EPM2A: variants seen among roughly 807,000 people sequenced by gnomAD.
EPM2A encodes the protein laforin.
Under a neutral mutation model 26.5 loss-of-function variants are expected in EPM2A, and 21 were observed. That is an observed-to-expected ratio of 0.79 (90% CI 0.56 to 1.14). The LOEUF is 1.14. Ranked by LOEUF, EPM2A falls within the 50% of genes most tolerant of loss-of-function variation. EPM2A has a pLI of 0.00. For synonymous variants in EPM2A, 217 were observed against 177.6 expected, an observed-to-expected ratio of 1.22 and a Z score of -1.76; for missense variants, 458 against 440.8, an observed-to-expected ratio of 1.04 and a Z score of -0.35.
intron 2 of EPM2A, among the ~76,000 whole-genome samples, chr6:145,673,317 C>A (rs1309809889): frequency 2.0e-5 from 3 of 152,036 alleles, no homozygotes; most frequent in Non-Finnish European, 4.4e-5. Context: ...TCCAAGATGG[C>A]CGAATAGGAA....
intron 2 of EPM2A, among the ~76,000 whole-genome samples, chr6:145,552,496 A>C (rs1326657686): frequency 6.6e-6 from 1 of 152,066 alleles, no homozygotes; most frequent in Admixed American, 6.6e-5. Context: ...TCTGTCTTTC[A>C]AAAACAAATA....
chr6:145,598,440 ATTTG>A (rs1175587198), intron 2 of EPM2A, among the ~76,000 whole-genome samples: 1 of 152,030 alleles, frequency 6.6e-6, no homozygotes, highest in African/African-American at 2.4e-5. Context: ...TCTCTTGTAA[ATTTG>A]TTTAAGTTCT....
intron 2 of EPM2A, among the ~76,000 whole-genome samples, chr6:145,587,385 C>T (rs974504145): frequency 6.6e-6 from 1 of 152,170 alleles, no homozygotes; most frequent in Non-Finnish European, 1.5e-5. Context: ...AAGTGTTATT[C>T]CTCATGCAGG....
At position 145,558,631 on chromosome 6, in the gene EPM2A, T is replaced by C. The variant is rs9497346; in HGVS notation, c.341-56056A>G. On this transcript the variant is annotated intron_variant, in intron 2 of 3. Coordinates refer to the EPM2A transcript ENST00000450221. ...GTGGTTTTGATTTGCATTTCTCTGA[T>C]GATTAGTGATTTTGAGCATATTTTC... Among the ~76,000 whole-genome samples, 1,174 of 152,222 alleles carry C rather than the reference T, an allele frequency of 7.7e-3. 16 individuals are homozygous for C. The highest frequency in any genetic ancestry group is 0.027 in the African/African-American group (1,117 of 41,564).
intron 2 of EPM2A, among the ~76,000 whole-genome samples, chr6:145,670,061 C>T (rs998072746): frequency 6.6e-6 from 1 of 152,158 alleles, no homozygotes; most frequent in South Asian, 2.1e-4. Flanking sequence ...TCTCCTGGTT[C>T]GGTTCACTCT....
At chr6:145,489,660 C>A in intron 4 of EPM2A, 1 of 1,335,590 alleles carries the variant, frequency 7.5e-7, no homozygotes, top group Non-Finnish European at 1.1e-6. Flanking sequence ...CTGTTCTGTC[C>A]TCATTCTCTG....
intron 1 of EPM2A, among the ~76,000 whole-genome samples, chr6:145,706,644 A>T (rs1041236957): frequency 6.6e-6 from 1 of 152,210 alleles, no homozygotes; most frequent in East Asian, 1.9e-4. Flanking sequence ...CAGACAACAC[A>T]TAGAGATTAA....
At chr6:145,417,725 A>G (rs927251010) in intron 4 of EPM2A, among the ~76,000 whole-genome samples, 3 of 152,052 alleles carry the variant, frequency 2.0e-5, no homozygotes, top group African/African-American at 4.8e-5. Flanking sequence ...ACCAACTTTC[A>G]ATCCACCTAA....
intron 1 of EPM2A, among the ~76,000 whole-genome samples, chr6:145,689,765 T>A (rs2128617722): frequency 6.6e-6 from 1 of 152,310 alleles, no homozygotes; most frequent in Middle Eastern, 3.4e-3. Context: ...TGCCAAGCTG[T>A]ATTGCAGTGC....
rs747386662 is a variant in EPM2A, at chr6:145,627,451, A to C, written c.961T>G (p.Phe321Val). 6.2e-7 allele frequency: 1 copy of C among 1,614,188 alleles called. No individual in the cohort carries two copies. The highest frequency in any genetic ancestry group is 8.5e-7 in the Non-Finnish European group (1 of 1,180,034). The change falls in exon 4 of 4, where the codon TTT (phenylalanine) becomes GTT (valine). Residue 321 changes from phenylalanine (F) to valine (V), a missense_variant. Coordinates refer to ENST00000367519, the MANE Select transcript of EPM2A (RefSeq NM_005670.4). ...ARAQEDFFQK[F>V]GKVRSSVCSL The stretch of plus-strand genomic sequence containing the variant: ...CACACAGAAGAACGAACCTTCCCAA[A>C]TTTCTGGAAAAAATCTTCTTGTGCC...
chr6:145,403,267 T>G (rs9376928), intron 4 of EPM2A, among the ~76,000 whole-genome samples: 65,454 of 151,754 alleles, frequency 0.43, 14,445 homozygotes, highest in East Asian at 0.66. Context: ...TAAGTTATTT[T>G]TAAATGTACA....
chr6:145,735,145 G>A, intron 1 of EPM2A, 53 bp downstream of exon 1: 1 of 1,372,412 alleles, frequency 7.3e-7, no homozygotes, highest in South Asian at 1.3e-5. Flanking sequence ...CCGGTTGGGG[G>A]TGCGGGCCGG....
chr6:145,479,066 G>A (rs1779580147), intron 4 of EPM2A, among the ~76,000 whole-genome samples: 1 of 151,186 alleles, frequency 6.6e-6, no homozygotes, highest in South Asian at 2.1e-4. Flanking sequence ...TGTCACTTAA[G>A]TTTTTGTCTT....
At chr6:145,688,959 TTAAA>T (rs1210430304) in intron 1 of EPM2A, among the ~76,000 whole-genome samples, 1 of 152,212 alleles carries the variant, frequency 6.6e-6, no homozygotes, top group Non-Finnish European at 1.5e-5. Flanking sequence ...ACTTTTTTAG[TTAAA>T]TAAAACAATA....
intron 2 of EPM2A, among the ~76,000 whole-genome samples, chr6:145,616,141 A>G (rs1426994857): frequency 2.0e-5 from 3 of 152,174 alleles, no homozygotes; most frequent in Non-Finnish European, 4.4e-5. Context: ...CTAGGATGAA[A>G]AAGTGGTTTC....
chr6:145,707,361 A>G (rs780543319), intron 1 of EPM2A, among the ~76,000 whole-genome samples: 1 of 152,204 alleles, frequency 6.6e-6, no homozygotes, highest in Non-Finnish European at 1.5e-5. Flanking sequence ...CCAGATTGTG[A>G]GAAACCAGAA....
intron 4 of EPM2A, among the ~76,000 whole-genome samples, chr6:145,429,581 C>A (rs1260516645): frequency 6.6e-6 from 1 of 152,056 alleles, no homozygotes; most frequent in Non-Finnish European, 1.5e-5. Context: ...ATTTTAAAAA[C>A]TTCCAGAACC....
At chr6:145,672,980 C>G (rs1477625559) in intron 2 of EPM2A, among the ~76,000 whole-genome samples, 1 of 152,104 alleles carries the variant, frequency 6.6e-6, no homozygotes, top group Non-Finnish European at 1.5e-5. Context: ...GTCTCCCACA[C>G]TTAAAGAGAA....
intron 2 of EPM2A, among the ~76,000 whole-genome samples, chr6:145,650,573 T>C (rs2128577765): frequency 6.6e-6 from 1 of 152,100 alleles, no homozygotes; most frequent in South Asian, 2.1e-4. Context: ...AAATTAGATG[T>C]CCTTTATAAT....
Sources: allele counts gnomAD v4.1 joint callset (sites outside exome capture counted in the v4.1 genomes callset), GRCh38; gene constraint gnomAD v4.1.1; transcripts MANE v1.5; gene names NCBI Gene and HGNC (gene_info 2026-07-23, HGNC 2026-07-21).